Variants in GAS2 observed in about 807,000 individuals in gnomAD.
GAS2 encodes growth arrest specific 2.
A neutral mutation model predicts 37.5 loss-of-function variants in GAS2; 20 were observed. The observed-to-expected ratio is 0.53, with a 90% confidence interval of 0.37 to 0.77. The LOEUF is 0.77. GAS2 is among the 30% of genes least tolerant of loss of function. The probability of loss-of-function intolerance (pLI) is 0.00; values close to 1 mark genes in which losing one functional copy is unlikely to be tolerated. For synonymous variants in GAS2, 144 were observed against 132.2 expected (o/e 1.09, Z -0.61); for missense variants, 336 against 373.4 (o/e 0.90, Z 0.82).
intron 4 of GAS2, among the ~76,000 whole-genome samples, chr11:22,735,227 T>TA (rs1554976316): frequency 3.4e-5 from 5 of 148,372 alleles, no homozygotes; most frequent in Non-Finnish European, 6.0e-5. Flanking sequence ...AATCATTCTT[T>TA]TTTTTTTTTT....
chr11:22,657,867 T>C (rs1234557340), intron 1 of GAS2, among the ~76,000 whole-genome samples: 1 of 152,174 alleles, frequency 6.6e-6, no homozygotes, highest in Non-Finnish European at 1.5e-5. Flanking sequence ...AATTTAGTAA[T>C]GAACTGAGTC....
rs538442989 is a variant in GAS2, at chr11:22,811,934, A to C, written c.860A>C (p.Lys287Thr). The change falls in exon 8 of 8, where the codon AAA becomes ACA. Residue 287 changes from lysine to threonine, a missense_variant. Lys to Thr is a moderately conservative substitution (Grantham distance 78). Coordinates refer to ENST00000454584, the MANE Select transcript of GAS2 (RefSeq NM_001143830.3). Reference sequence around the variant, plus strand: ...GGCAAAACATCCCCTATCCAAAGCAAATCTCCAACTCTAAAGGACATGAAT... The same window carrying C: ...GGCAAAACATCCCCTATCCAAAGCACATCTCCAACTCTAAAGGACATGAAT... ...VDGKTSPIQS[K>T]SPTLKDMNPD... The C allele has an allele frequency of 5.0e-5, 80 of 1,614,116 alleles. No individual in the cohort carries two copies. In the South Asian group the frequency reaches 8.3e-4, roughly 17 times the overall value.
rs1848842983 is a variant in GAS2 at position 22,655,360 on chromosome 11, G to C, written c.-20-19490G>C. ...CTTCGCCAATAGAAAATTCTTCAAGGACAGTATTCTGTCTAACTCATCTTG... is the reference window on the plus strand; with the variant it reads ...CTTCGCCAATAGAAAATTCTTCAAGCACAGTATTCTGTCTAACTCATCTTG... On this transcript the variant is annotated intron_variant, in intron 1 of 5. Transcript: ENST00000528582. Among the ~76,000 whole-genome samples, 3 of 151,980 alleles carry C rather than the reference G, an allele frequency of 2.0e-5. 1 individual carries two copies. The South Asian group carries it at 6.2e-4, about 31-fold the overall frequency.
At chr11:22,637,796 T>G (rs945371028) in intron 1 of GAS2, among the ~76,000 whole-genome samples, 26 of 146,848 alleles carry the variant, frequency 1.8e-4, no homozygotes, top group African/African-American at 6.2e-4. Context: ...GTAAACTATA[T>G]ATTTATGTAT....
chr11:22,767,810 A>G (rs1162587227), intron 7 of GAS2, among the ~76,000 whole-genome samples: 1 of 152,218 alleles, frequency 6.6e-6, no homozygotes, highest in Non-Finnish European at 1.5e-5. Context: ...CTGTTACAAG[A>G]TTCACTATGA....
Position 22,705,143 on chromosome 11 carries a change from T to TA in GAS2, c.267+19355dup, listed in dbSNP as rs143530418. Among the ~76,000 whole-genome samples the TA allele has an allele frequency of 7.4e-3, 1,120 of 152,270 alleles. 21 individuals carry two copies. The highest frequency in any genetic ancestry group is 0.026 in the African/African-American group (1,062 of 41,546). On this transcript the variant is annotated intron_variant, in intron 3 of 7. Transcript: ENST00000454584. ...ATCTATATGACAGCCTACAAGGCTC[T>TA]ATATGCACTGTTCCTTGGTGACCTT... is the stretch of plus-strand genomic sequence containing the variant.
chr11:22,710,150 C>G (rs1412160747), intron 3 of GAS2, among the ~76,000 whole-genome samples: 1 of 151,872 alleles, frequency 6.6e-6, no homozygotes, highest in Non-Finnish European at 1.5e-5. Context: ...TACCCTAAAA[C>G]TTAAAGTATA....
chr11:22,652,453 T>C (rs898805017), intron 1 of GAS2, among the ~76,000 whole-genome samples: 4 of 152,276 alleles, frequency 2.6e-5, no homozygotes, highest in African/African-American at 9.6e-5. Context: ...CTCCATCCAG[T>C]TAGAGCTTCC....
chr11:22,680,803 T>C (rs1849645723), intron 2 of GAS2, among the ~76,000 whole-genome samples: 1 of 152,140 alleles, frequency 6.6e-6, no homozygotes, highest in African/African-American at 2.4e-5. Context: ...TAGTCATTTG[T>C]GTATTCAGCA....
chr11:22,644,715 G>A (rs551690065), intron 1 of GAS2, among the ~76,000 whole-genome samples: 2 of 152,094 alleles, frequency 1.3e-5, no homozygotes, highest in South Asian at 2.1e-4. Context: ...TCCACCTCCC[G>A]GGTTCAAATG....
At chr11:22,699,648 T>G (rs1850727890) in intron 3 of GAS2, among the ~76,000 whole-genome samples, 1 of 152,278 alleles carries the variant, frequency 6.6e-6, no homozygotes, top group South Asian at 2.1e-4. Context: ...GTAGTCATAC[T>G]ACCTGGGTTG....
In GAS2 at chr11:22,639,534, TC is replaced by T. The variant is rs1246358203; in HGVS notation, c.-21+13722del. ...ATTTACTTGTAAAATCACGATTTCTTCATTTCATTGGTTTCCCTTACAAAAG... is the reference window on the plus strand; with the variant it reads ...ATTTACTTGTAAAATCACGATTTCTTATTTCATTGGTTTCCCTTACAAAAG... On this transcript the variant is annotated intron_variant, in intron 1 of 5. Coordinates refer to the GAS2 transcript ENST00000528582. 2.0e-5 allele frequency among the ~76,000 whole-genome samples: 3 copies of T among 152,186 alleles called. No homozygotes were observed. In the East Asian group the frequency reaches 5.8e-4, roughly 29 times the overall value.
At chr11:22,795,605 A>G (rs559511828) in intron 7 of GAS2, among the ~76,000 whole-genome samples, 35 of 152,308 alleles carry the variant, frequency 2.3e-4, no homozygotes, top group Non-Finnish European at 4.3e-4. Flanking sequence ...TAGGGACACC[A>G]GTGTGGCTGT....
At chr11:22,678,855 T>G (rs1416744190) in intron 2 of GAS2, among the ~76,000 whole-genome samples, 1 of 151,998 alleles carries the variant, frequency 6.6e-6, no homozygotes, top group African/African-American at 2.4e-5. Context: ...TTGTATGTAT[T>G]ATACTGTCAT....
intron 7 of GAS2, among the ~76,000 whole-genome samples, chr11:22,807,503 C>T (rs1471944992): frequency 6.6e-6 from 1 of 152,110 alleles, no homozygotes; most frequent in Non-Finnish European, 1.5e-5. Flanking sequence ...CTTTAAAAGC[C>T]TGGGAGTGGA....
At chr11:22,775,410 C>T (rs766087802) in intron 7 of GAS2, among the ~76,000 whole-genome samples, 1 of 152,054 alleles carries the variant, frequency 6.6e-6, no homozygotes, top group Non-Finnish European at 1.5e-5. Context: ...AAAATTGAAA[C>T]ACCGTTAAGT....
chr11:22,678,443 T>TAAAAAACA (rs1173833523), intron 2 of GAS2, among the ~76,000 whole-genome samples: 2 of 152,128 alleles, frequency 1.3e-5, no homozygotes, highest in African/African-American at 4.8e-5. Context: ...AAGTCTTGCT[T>TAAAAAACA]TTTATCTACT....
chr11:22,804,929 A>G (rs1856819260), intron 7 of GAS2, among the ~76,000 whole-genome samples: 1 of 152,156 alleles, frequency 6.6e-6, no homozygotes, highest in Non-Finnish European at 1.5e-5. Flanking sequence ...GATGAAGTAT[A>G]TAATCTTCCT....
At chr11:22,715,952 G>A (rs1851658169) in intron 3 of GAS2, among the ~76,000 whole-genome samples, 1 of 151,982 alleles carries the variant, frequency 6.6e-6, no homozygotes, top group South Asian at 2.1e-4. Context: ...CCTTAACAAA[G>A]TACTAGCTAA....
Sources: allele counts gnomAD v4.1 joint callset (sites outside exome capture counted in the v4.1 genomes callset), GRCh38; gene constraint gnomAD v4.1.1; transcripts MANE v1.5; gene names NCBI Gene and HGNC (gene_info 2026-07-23, HGNC 2026-07-21).